The following KCNQ2 variants were observed in gnomAD, a reference collection of about 807,000 sequenced individuals.
KCNQ2 encodes the protein potassium voltage-gated channel subfamily KQT member 2.
Under a neutral mutation model 84.8 loss-of-function variants are expected in KCNQ2, and 14 were observed. The observed-to-expected ratio is 0.17, with a 90% CI of 0.11 to 0.26. The LOEUF is 0.26. KCNQ2 is among the 10% of genes least tolerant of loss of function. KCNQ2 has a pLI of 1.00. For synonymous variants in KCNQ2, 599 were observed against 554.1 expected (o/e 1.08, Z -1.14); for missense variants, 788 against 1,254.0 (o/e 0.63, Z 5.61).
chr20:63,424,048 TCACA>T, intron 11 of KCNQ2, 125 bp downstream of exon 11: 3 of 1,039,086 alleles, frequency 2.9e-6, no homozygotes, highest in Non-Finnish European at 4.4e-6. Context: ...GGACCCGCAG[TCACA>T]CAGTCACACA....
At chr20:63,457,780 C>T (rs905303065) in intron 1 of KCNQ2, among the ~76,000 whole-genome samples, 2 of 152,228 alleles carry the variant, frequency 1.3e-5, no homozygotes, top group Admixed American at 6.5e-5. Flanking sequence ...TTCGCCCCGG[C>T]CCAGAAAGAG....
At chr20:63,423,807 C>G (rs6090414) in intron 11 of KCNQ2, 67,419 of 312,046 alleles carry the variant, frequency 0.22, 8,981 homozygotes, top group Non-Finnish European at 0.28. Context: ...CGACTCAGGC[C>G]AGCTGTGAGC....
At chr20:63,436,085 T>C (rs987405429) in intron 7 of KCNQ2, among the ~76,000 whole-genome samples, 4 of 152,092 alleles carry the variant, frequency 2.6e-5, no homozygotes, top group Non-Finnish European at 5.9e-5. Flanking sequence ...ACTTAGTTGA[T>C]ACAGCAGTGG....
chr20:63,416,649 T>C (rs1601581260), intron 12 of KCNQ2, among the ~76,000 whole-genome samples: 1 of 152,228 alleles, frequency 6.6e-6, no homozygotes, highest in East Asian at 1.9e-4. Flanking sequence ...GGAAGCCCAG[T>C]GCCTCACGGG....
chr20:63,448,969 T>C (rs576747011), intron 1 of KCNQ2: 3 of 152,330 alleles, frequency 2.0e-5, no homozygotes, highest in South Asian at 4.2e-4. Context: ...GGGATGCTCA[T>C]GGGATCGAGG....
Position 63,428,452 on chromosome 20 carries a change from A to AG in KCNQ2, c.1149-18dup. ...GGGATAAGTCTGGGGCAAGAGAAGG[A>AG]GAGGGGAGTGAGCGTCTCACCCTCC... On this transcript the variant is annotated splice_polypyrimidine_tract_variant and intron_variant, in intron 9 of 16. Transcript: ENST00000359125. 2 of 1,580,196 alleles carry AG rather than the reference A, an allele frequency of 1.3e-6. No homozygotes were observed. The highest frequency in any genetic ancestry group is 1.7e-6 in the Non-Finnish European group (2 of 1,162,324).
chr20:63,414,547 G>A lies in KCNQ2; in HGVS notation c.1526-354C>T, dbSNP rs779227548. On this transcript the variant is annotated intron_variant, in intron 13 of 16. Coordinates refer to ENST00000359125, the MANE Select transcript of KCNQ2 (RefSeq NM_172107.4). This position sits in a 1 kb window ranked among gnomAD's most constrained non-coding sequence, Gnocchi z 6.6. ...AGGAAGCCAGACCCAACGGCCCCACGTGGGAGCCGCAGACACGCACGGCCC... is the reference window on the plus strand; with the variant it reads ...AGGAAGCCAGACCCAACGGCCCCACATGGGAGCCGCAGACACGCACGGCCC... 1.4e-4 allele frequency among the ~76,000 whole-genome samples: 22 copies of A among 152,076 alleles called. No individual in the cohort carries two copies. The highest frequency in any genetic ancestry group is 7.7e-4 in the East Asian group (4 of 5,174).
At chr20:63,427,697 CTTGTAAGGACACTCGTTG>C in intron 10 of KCNQ2, among the ~76,000 whole-genome samples, 1 of 152,336 alleles carries the variant, frequency 6.6e-6, no homozygotes, top group Middle Eastern at 3.4e-3. Context: ...TCTCCCTCTC[CTTGTAAGGACACTCGTTG>C]TTGGACTCAG....
intron 1 of KCNQ2, among the ~76,000 whole-genome samples, chr20:63,449,893 T>C (rs1263516458): frequency 6.6e-6 from 1 of 150,922 alleles, no homozygotes; most frequent in African/African-American, 2.4e-5. Flanking sequence ...GCCCACTGGG[T>C]GGTGGCAGCA....
At chr20:63,442,928 ACCATCACCACCAC>A (rs1600772249) in intron 4 of KCNQ2, among the ~76,000 whole-genome samples, 1 of 90,710 alleles carries the variant, frequency 1.1e-5, no homozygotes, top group African/African-American at 4.3e-5. Flanking sequence ...CACCACCATC[ACCATCACCACCAC>A]CATCACCATC....
chr20:63,413,421 C>A (rs1363914161), intron 15 of KCNQ2, 29 bp downstream of exon 15: 1 of 1,612,544 alleles, frequency 6.2e-7, no homozygotes, highest in Admixed American at 1.7e-5. Flanking sequence ...GTTCTTGTCC[C>A]CTGCTGGACA....
chr20:63,464,456 G>A (rs1408592485), intron 1 of KCNQ2, among the ~76,000 whole-genome samples: 6 of 152,080 alleles, frequency 3.9e-5, no homozygotes, highest in South Asian at 2.1e-4. Context: ...AGCTCCCGTC[G>A]CCCCGTCCTC....
At chr20:63,443,105 T>A (rs200926212) in intron 4 of KCNQ2, among the ~76,000 whole-genome samples, 1 of 11,022 alleles carries the variant, frequency 9.1e-5, no homozygotes, top group South Asian at 4.2e-3. Context: ...ACCATCACCA[T>A]CACCACCACC....
At chr20:63,461,582 C>G (rs2081947867) in intron 1 of KCNQ2, among the ~76,000 whole-genome samples, 1 of 152,164 alleles carries the variant, frequency 6.6e-6, no homozygotes, top group African/African-American at 2.4e-5. Flanking sequence ...CGGGGGCCGG[C>G]CCTCCTCCCC....
At position 63,414,205 on chromosome 20, in the gene KCNQ2, G is replaced by A. The variant is rs2080214453; in HGVS notation, c.1526-12C>T. The A allele has an allele frequency of 6.2e-7, 1 of 1,602,096 alleles. No individual in the cohort carries two copies. The highest frequency in any genetic ancestry group is 2.2e-5 in the East Asian group (1 of 44,812). ...GGGGAGGCTTGCTTCTGGGGGGAAG[G>A]AGACAGGCCGTGAGGGGCCGAGGGG... On this transcript the variant is annotated splice_polypyrimidine_tract_variant and intron_variant, in intron 13 of 16. Coordinates refer to ENST00000359125, the MANE Select transcript of KCNQ2 (RefSeq NM_172107.4). This position sits in a 1 kb window ranked among gnomAD's most constrained non-coding sequence, Gnocchi z 6.6.
At chr20:63,423,684 C>T (rs3787123) in intron 11 of KCNQ2, 14,905 of 156,458 alleles carry the variant, frequency 0.095, 1,651 homozygotes, top group East Asian at 0.56. Flanking sequence ...GAGGATGTCC[C>T]ACCCTCCTCG....
chr20:63,410,484 G>T (rs553797385), intron 15 of KCNQ2, among the ~76,000 whole-genome samples: 1 of 152,234 alleles, frequency 6.6e-6, no homozygotes, highest in African/African-American at 2.4e-5. Context: ...CGAGCTCACA[G>T]CTGTGGATGC....
chr20:63,432,157 C>T (rs1159994900), intron 8 of KCNQ2, among the ~76,000 whole-genome samples: 1 of 148,574 alleles, frequency 6.7e-6, no homozygotes, highest in Non-Finnish European at 1.5e-5. Context: ...GAAGGCCCCA[C>T]CCTCAGGGAA....
rs185354314 is a variant in KCNQ2 at position 63,408,056 on chromosome 20, G to A, written c.1887+357C>T. 281 of 326,898 alleles carry A rather than the reference G, an allele frequency of 8.6e-4. 1 individual carries two copies. The highest frequency in any genetic ancestry group is 4.4e-3 in the African/African-American group (207 of 47,092). 20.2% of individuals were successfully genotyped at this position (326,898 alleles called of 1,614,324 possible). Reference sequence around the variant, plus strand: ...TGAGAATGCACCCCCAGAAGACAGCGGCCAGGGTGTCGGGCAAGGAGGACA... The same window carrying A: ...TGAGAATGCACCCCCAGAAGACAGCAGCCAGGGTGTCGGGCAAGGAGGACA... On this transcript the variant is annotated intron_variant, in intron 16 of 16. Coordinates refer to ENST00000359125, the MANE Select transcript of KCNQ2 (RefSeq NM_172107.4). The surrounding 1 kb of genome is among the most constrained non-coding windows in gnomAD (Gnocchi z 5.0).
Sources: allele counts gnomAD v4.1 joint callset (sites outside exome capture counted in the v4.1 genomes callset), GRCh38; gene constraint gnomAD v4.1.1; non-coding constraint Gnocchi (gnomAD v3.1); transcripts MANE v1.5; gene names NCBI Gene and HGNC (gene_info 2026-07-23, HGNC 2026-07-21).